The following ERBB4 variants were observed in gnomAD, a reference collection of about 807,000 sequenced individuals.
ERBB4 encodes erb-b2 receptor tyrosine kinase 4, also known as receptor tyrosine-protein kinase erbB-4.
In ERBB4, 42 loss-of-function variants were observed where a neutral mutation model predicts 158.0. The ratio of observed to expected loss-of-function variants is 0.27; its 90% CI spans 0.21 to 0.34. ERBB4 has a LOEUF of 0.34. Ranked by LOEUF, ERBB4 falls within the 10% of genes least tolerant of loss-of-function variation. The probability of loss-of-function intolerance (pLI) is 1.00; values close to 1 mark genes in which losing one functional copy is unlikely to be tolerated. For synonymous variants in ERBB4, 583 were observed against 558.7 expected, an observed-to-expected ratio of 1.04 and a Z score of -0.61; for missense variants, 1,333 against 1,624.1, an observed-to-expected ratio of 0.82 and a Z score of 3.08.
intron 2 of ERBB4, among the ~76,000 whole-genome samples, chr2:211,978,856 A>C (rs1575465756): frequency 6.6e-6 from 1 of 152,316 alleles, no homozygotes; most frequent in East Asian, 1.9e-4. Flanking sequence ...TAAAGTAGTT[A>C]AATATTACAA....
chr2:212,012,494 G>A (rs942242143), intron 2 of ERBB4, among the ~76,000 whole-genome samples: 6 of 145,064 alleles, frequency 4.1e-5, no homozygotes, highest in Admixed American at 7.1e-5. Flanking sequence ...TCAGCTCACC[G>A]CAAACTCCAC....
At chr2:212,284,730 T>C (rs2085894807) in intron 1 of ERBB4, among the ~76,000 whole-genome samples, 1 of 152,140 alleles carries the variant, frequency 6.6e-6, no homozygotes, top group Admixed American at 6.6e-5. Context: ...TAAACATAAG[T>C]TAAATATGTA....
chr2:212,111,493 A>G (rs2079404105), intron 2 of ERBB4, among the ~76,000 whole-genome samples: 1 of 152,136 alleles, frequency 6.6e-6, no homozygotes, highest in East Asian at 1.9e-4. Flanking sequence ...ATTTTGTTGC[A>G]TCTTATCTCT....
intron 1 of ERBB4, among the ~76,000 whole-genome samples, chr2:212,190,550 A>AAAAAAAAG (rs540372658): frequency 5.4e-5 from 8 of 146,916 alleles, no homozygotes; most frequent in South Asian, 2.1e-4. Flanking sequence ...AAAAAAAAAA[A>AAAAAAAAG]AAGAAGAAGA....
intron 19 of ERBB4, among the ~76,000 whole-genome samples, chr2:211,590,230 A>G (rs2068419424): frequency 6.6e-6 from 1 of 152,216 alleles, no homozygotes; most frequent in South Asian, 2.1e-4. Flanking sequence ...GTCCTTATTC[A>G]TTCCTGAGCA....
intron 3 of ERBB4, among the ~76,000 whole-genome samples, chr2:211,834,714 G>A (rs1474776268): frequency 6.6e-6 from 1 of 152,084 alleles, no homozygotes; most frequent in East Asian, 1.9e-4. Flanking sequence ...AATCTCAGCA[G>A]ATATCAATAC....
intron 3 of ERBB4, among the ~76,000 whole-genome samples, chr2:211,842,833 T>C (rs2077504661): frequency 6.6e-6 from 1 of 152,136 alleles, no homozygotes; most frequent in South Asian, 2.1e-4. Flanking sequence ...ATTATTACAT[T>C]CCAAATGACT....
At chr2:211,603,218 A>G (rs186565377) in intron 19 of ERBB4, among the ~76,000 whole-genome samples, 10 of 151,838 alleles carry the variant, frequency 6.6e-5, no homozygotes, top group Non-Finnish European at 1.3e-4. Context: ...GCGACAGAGC[A>G]AGACTCCGTC....
chr2:212,265,613 T>A (rs1202623747), intron 1 of ERBB4, among the ~76,000 whole-genome samples: 1 of 151,968 alleles, frequency 6.6e-6, no homozygotes, highest in African/African-American at 2.4e-5. Flanking sequence ...TCCTCCCAGT[T>A]CCACTCAGCA....
intron 2 of ERBB4, among the ~76,000 whole-genome samples, chr2:212,026,689 C>T (rs1011521385): frequency 7.3e-5 from 11 of 151,706 alleles, no homozygotes; most frequent in Non-Finnish European, 1.5e-4. Flanking sequence ...CATGTTTTTT[C>T]GATATTATTG....
At chr2:211,725,420 C>T (rs1047540211) in intron 5 of ERBB4, among the ~76,000 whole-genome samples, 1 of 151,994 alleles carries the variant, frequency 6.6e-6, no homozygotes, top group Admixed American at 6.6e-5. Context: ...AATTACAATG[C>T]CTTATGACGA....
chr2:211,520,498 A>T, intron 20 of ERBB4, among the ~76,000 whole-genome samples: 1 of 152,076 alleles, frequency 6.6e-6, no homozygotes, highest in East Asian at 1.9e-4. Flanking sequence ...TTTTAAAGGG[A>T]TGAAGAAGAA....
chr2:211,637,935 T>C (rs1420899246), intron 16 of ERBB4, among the ~76,000 whole-genome samples: 1 of 151,966 alleles, frequency 6.6e-6, no homozygotes, highest in Non-Finnish European at 1.5e-5. Context: ...TAGTAGAGAA[T>C]ACAAAATGCA....
In ERBB4 at chr2:212,073,992, C is replaced by T. The variant is rs542710015; in HGVS notation, c.234+50760G>A. 3.3e-5 allele frequency among the ~76,000 whole-genome samples: 5 copies of T among 152,126 alleles called. No homozygotes were observed. The South Asian group carries it at 8.3e-4, about 25-fold the overall frequency. Reference sequence around the variant, plus strand: ...ATCGAGAAAGTATTCCTCACATTCTCAACTTGTGAGCAAAGGATTACACGC... The same window carrying T: ...ATCGAGAAAGTATTCCTCACATTCTTAACTTGTGAGCAAAGGATTACACGC... On this transcript the variant is annotated intron_variant, in intron 2 of 27. Coordinates refer to ENST00000342788, the MANE Select transcript of ERBB4 (RefSeq NM_005235.3).
chr2:211,582,360 C>G (rs1284077735), intron 19 of ERBB4, among the ~76,000 whole-genome samples: 2 of 152,110 alleles, frequency 1.3e-5, no homozygotes, highest in African/African-American at 4.8e-5. Context: ...TTATAGCTTC[C>G]AGAACTCTCC....
chr2:212,360,514 C>T (rs1423909165), intron 1 of ERBB4, among the ~76,000 whole-genome samples: 1 of 151,594 alleles, frequency 6.6e-6, no homozygotes, highest in Non-Finnish European at 1.5e-5. Flanking sequence ...TTCCTCGGGA[C>T]TCTTGTAGCA....
intron 1 of ERBB4, among the ~76,000 whole-genome samples, chr2:212,237,949 G>A (rs1193529544): frequency 6.6e-6 from 1 of 152,192 alleles, no homozygotes; most frequent in African/African-American, 2.4e-5. Flanking sequence ...AAGTGTCCCA[G>A]GTTGACTTCA....
rs181833593 is a variant in ERBB4 at position 212,166,916 on chromosome 2, C to T, written c.83-42013G>A. Among the ~76,000 whole-genome samples, 1,218 of 152,238 alleles carry T rather than the reference C, an allele frequency of 8.0e-3. 9 individuals carry two copies. The highest frequency in any genetic ancestry group is 0.013 in the Non-Finnish European group (887 of 68,026). ...GCAGAAAACTGAAACCGGACCTCTT[C>T]CTTACACCTTATACAAAAATTAACT... On this transcript the variant is annotated intron_variant, in intron 1 of 27. Transcript: ENST00000342788.
At chr2:212,287,653 A>G (rs1159647824) in intron 1 of ERBB4, among the ~76,000 whole-genome samples, 4 of 151,986 alleles carry the variant, frequency 2.6e-5, no homozygotes, top group African/African-American at 9.7e-5. Flanking sequence ...AAACACAACT[A>G]TGGATATAAT....
Sources: gnomAD v4.1 joint callset for allele counts (sites outside exome capture counted in the v4.1 genomes callset) on GRCh38, gnomAD v4.1.1 for gene constraint, MANE v1.5 for transcripts, NCBI Gene and HGNC (gene_info 2026-07-23, HGNC 2026-07-21) for gene names.